SIDT1: variants seen among roughly 807,000 people sequenced by gnomAD.
SIDT1 encodes the protein SID1 transmembrane family member 1, also known as SID1 transmembrane family, member 1.
In SIDT1, 101 loss-of-function variants were observed where a neutral mutation model predicts 107.5. The observed-to-expected ratio is 0.94, with a 90% CI of 0.80 to 1.11. SIDT1 has a LOEUF of 1.11. Ranked by LOEUF, SIDT1 falls within the 50% of genes least tolerant of loss-of-function variation. The probability of loss-of-function intolerance (pLI) is 0.00; values close to 1 mark genes in which losing one functional copy is unlikely to be tolerated. For synonymous variants in SIDT1, 395 were observed against 398.2 expected, an observed-to-expected ratio of 0.99 and a Z score of 0.10; for missense variants, 1,076 against 1,058.2, an observed-to-expected ratio of 1.02 and a Z score of -0.23.
intron 10 of SIDT1, 110 bp downstream of exon 10, chr3:113,593,158 G>T: frequency 1.1e-6 from 1 of 924,842 alleles, no homozygotes; most frequent in Non-Finnish European, 1.8e-6. Context: ...ACCCTCCCTT[G>T]ATTCCTATCC....
chr3:113,616,325 G>A (rs1946102440), intron 20 of SIDT1, 149 bp downstream of exon 20: 3 of 637,180 alleles, frequency 4.7e-6, no homozygotes, highest in South Asian at 1.8e-5. Context: ...GGGAGAAGGA[G>A]CATGGTGCTT....
chr3:113,551,343 C>T (rs1397571070), intron 1 of SIDT1, among the ~76,000 whole-genome samples: 1 of 152,124 alleles, frequency 6.6e-6, no homozygotes, highest in African/African-American at 2.4e-5. Context: ...TTTTAAATCT[C>T]CCAATCTCTT....
Position 113,607,077 on chromosome 3 carries a change from T to G in SIDT1, c.1441T>G (p.Tyr481Asp), listed in dbSNP as rs1434958459. 6.2e-7 allele frequency: 1 copy of G among 1,613,456 alleles called. No individual in the cohort carries two copies. Among genetic ancestry groups the G allele is most frequent in the Non-Finnish European group, 8.5e-7 (1 of 1,179,406 alleles). ...NVTGNQDICY[Y>D]NFLCAHPLGV... ...CACTGGCAACCAGGACATCTGTTAC[T>G]ACAACTTCCTCTGTGCTCACCCCTT... The change falls in exon 15 of 25, where the codon TAC becomes GAC. Residue 481 changes from tyrosine (Y) to aspartate (D), a missense_variant. Physicochemically the swap from Tyr to Asp is radical, Grantham distance 160. Transcript: ENST00000264852.
At chr3:113,565,897 G>C (rs995153738) in intron 1 of SIDT1, among the ~76,000 whole-genome samples, 2 of 152,142 alleles carry the variant, frequency 1.3e-5, no homozygotes, top group Admixed American at 6.5e-5. Context: ...AGCAATTGAA[G>C]TTCTCATGGG....
chr3:113,566,338 T>TTGTGTG (rs55802002), intron 1 of SIDT1, 82 bp from the exon 2 acceptor site: 128 of 1,099,322 alleles, frequency 1.2e-4, no homozygotes, highest in African/African-American at 1.1e-3. Flanking sequence ...TTGTGTGTGT[T>TTGTGTG]TGTGTGTGTG....
At chr3:113,564,882 A>T (rs1941761203) in intron 1 of SIDT1, among the ~76,000 whole-genome samples, 1 of 152,214 alleles carries the variant, frequency 6.6e-6, no homozygotes, top group East Asian at 1.9e-4. Context: ...CTCTCCCTTC[A>T]GGGCAAGCAC....
chr3:113,556,482 T>C (rs770352312), intron 1 of SIDT1, among the ~76,000 whole-genome samples: 3 of 151,934 alleles, frequency 2.0e-5, no homozygotes, highest in Non-Finnish European at 2.9e-5. Context: ...CTCCTAGAAG[T>C]CCCATCTTCG....
rs115853800 is a variant in SIDT1, at chr3:113,546,866, A to C, written c.222+13623A>C. 2.4e-3 allele frequency among the ~76,000 whole-genome samples: 362 copies of C among 152,288 alleles called. 1 individual carries two copies. Among genetic ancestry groups the C allele is most frequent in the African/African-American group, 8.2e-3 (342 of 41,564 alleles). ...TGCAGTACCCCAGAGTATGTTAACC[A>C]GCTCTTCCTACATCGTTTAACTTTG... On this transcript the variant is annotated intron_variant, in intron 1 of 24. Transcript: ENST00000264852.
At chr3:113,541,475 A>G (rs895721260) in intron 1 of SIDT1, among the ~76,000 whole-genome samples, 2 of 152,152 alleles carry the variant, frequency 1.3e-5, no homozygotes, top group African/African-American at 2.4e-5. Context: ...CGGCCAGTAC[A>G]TATATATTTA....
In SIDT1 at chr3:113,566,561, G is replaced by A. The variant is rs776811395; in HGVS notation, c.344+20G>A. On this transcript the variant is annotated intron_variant, in intron 2 of 24. Transcript: ENST00000264852. ...AGGACTGTAAGTGGGTTTTCTTCCA[G>A]GCAACTTCACTATGTTTAGTTTTCT... The A allele has an allele frequency of 6.2e-7, 1 of 1,609,530 alleles. No homozygotes were observed. The highest frequency in any genetic ancestry group is 8.5e-7 in the Non-Finnish European group (1 of 1,177,978).
At chr3:113,617,304 A>T (rs1282024986) in intron 20 of SIDT1, among the ~76,000 whole-genome samples, 1 of 152,230 alleles carries the variant, frequency 6.6e-6, no homozygotes, top group Non-Finnish European at 1.5e-5. Flanking sequence ...TGGTTAAAAC[A>T]TACTTCAGTG....
chr3:113,555,022 A>G (rs1038726216), intron 1 of SIDT1, among the ~76,000 whole-genome samples: 3 of 152,230 alleles, frequency 2.0e-5, no homozygotes, highest in Admixed American at 1.3e-4. Flanking sequence ...TCCTGAGAAT[A>G]AAGTCCCAAC....
In SIDT1 at chr3:113,581,390, G is replaced by A. The variant is rs556410577; in HGVS notation, c.693G>A (p.Val231=). The A allele has an allele frequency of 2.5e-6, 4 of 1,613,744 alleles. No homozygotes were observed. The highest frequency in any genetic ancestry group is 2.7e-5 in the African/African-American group (2 of 74,896). ...CGGTGTATGATCTCGACCACAATGT[G>A]GAATTTAATGGTGTCTATCAGTCCA... The part of the protein sequence containing the change: ...MCPVYDLDHN[V]EFNGVYQSMT... The change falls in exon 6 of 25, where the codon GTG becomes GTA. Residue 231 remains valine, a synonymous_variant. Coordinates refer to ENST00000264852, the MANE Select transcript of SIDT1 (RefSeq NM_017699.3).
intron 21 of SIDT1, among the ~76,000 whole-genome samples, chr3:113,622,579 C>CGGAA (rs1946543640): frequency 6.6e-6 from 1 of 151,606 alleles, no homozygotes; most frequent in Non-Finnish European, 1.5e-5. Flanking sequence ...AAAGCTGAGT[C>CGGAA]CAACCAAAAT....
chr3:113,626,061 C>T, intron 23 of SIDT1, 41 bp from the exon 24 acceptor site: 1 of 1,341,484 alleles, frequency 7.5e-7, no homozygotes, highest in East Asian at 2.3e-5. Flanking sequence ...AACAGTTGAA[C>T]TGTGGGAATC....
chr3:113,599,962 A>G (rs183754393), intron 10 of SIDT1, among the ~76,000 whole-genome samples: 13 of 152,336 alleles, frequency 8.5e-5, no homozygotes, highest in Admixed American at 8.5e-4. Flanking sequence ...TCATTTCACT[A>G]TGTGCACGTA....
intron 1 of SIDT1, among the ~76,000 whole-genome samples, chr3:113,556,485 C>T (rs889926380): frequency 2.6e-5 from 4 of 151,916 alleles, no homozygotes; most frequent in African/African-American, 9.7e-5. Flanking sequence ...CTAGAAGTCC[C>T]ATCTTCGCTC....
rs148048124 is a variant in SIDT1, at chr3:113,573,407, A to T, written c.516-3515A>T. 4.9e-3 allele frequency among the ~76,000 whole-genome samples: 747 copies of T among 152,310 alleles called. 7 individuals carry two copies. The highest frequency in any genetic ancestry group is 0.017 in the African/African-American group (720 of 41,574). On this transcript the variant is annotated intron_variant, in intron 3 of 24. Transcript: ENST00000264852. Reference sequence around the variant, plus strand: ...TGGATACACATTGTAAAACGAGTTGATCAAGAACAAGGCTGTGGGTAACAT... The same window carrying T: ...TGGATACACATTGTAAAACGAGTTGTTCAAGAACAAGGCTGTGGGTAACAT...
intron 3 of SIDT1, among the ~76,000 whole-genome samples, chr3:113,568,518 T>G (rs1342903189): frequency 6.7e-6 from 1 of 148,286 alleles, no homozygotes; most frequent in Non-Finnish European, 1.5e-5. Context: ...GGCATGAACC[T>G]GGGAGGCGGA....
Sources: allele counts gnomAD v4.1 joint callset (sites outside exome capture counted in the v4.1 genomes callset), GRCh38; gene constraint gnomAD v4.1.1; transcripts MANE v1.5; gene names NCBI Gene and HGNC (gene_info 2026-07-23, HGNC 2026-07-21).